The following HTR3A variants were observed in gnomAD, a reference collection of about 807,000 sequenced individuals.
HTR3A encodes 5-hydroxytryptamine (serotonin) receptor 3A, ionotropic.
In HTR3A, 45 loss-of-function variants were observed where a neutral mutation model predicts 54.8. That is an observed-to-expected ratio of 0.82 (90% CI 0.65 to 1.05). The LOEUF is 1.05. HTR3A is among the 50% of genes least tolerant of loss of function. The pLI, the probability that HTR3A is intolerant of heterozygous loss-of-function variation, is 0.00. For missense variants in HTR3A, 657 were observed against 614.0 expected (o/e 1.07, Z -0.74); for synonymous variants, 297 against 256.0 (o/e 1.16, Z -1.53).
chr11:113,986,926 C>A lies in HTR3A; in HGVS notation c.1018C>A (p.Pro340Thr), dbSNP rs775996208. The change falls in exon 8 of 9, where the codon CCT (proline) becomes ACT (threonine). Residue 340 changes from proline (P) to threonine (T), a missense_variant. By Grantham distance (38) the Pro-to-Thr change is conservative (BLOSUM62 -1). Coordinates refer to ENST00000504030, the MANE Select transcript of HTR3A (RefSeq NM_000869.6). ...VHKQDLQQPV[P>T]AWLRHLVLER... ...CAAGCAAGACCTGCAGCAGCCCGTGCCTGCTTGGCTGCGTCACCTGGTTCT... is the reference window on the plus strand; with the variant it reads ...CAAGCAAGACCTGCAGCAGCCCGTGACTGCTTGGCTGCGTCACCTGGTTCT... 6.2e-7 allele frequency: 1 copy of A among 1,614,046 alleles called. No individual in the cohort carries two copies. The highest frequency in any genetic ancestry group is 2.2e-5 in the East Asian group (1 of 44,886).
rs117793058 is a variant in HTR3A, at chr11:113,977,800, G to T, written c.97G>T (p.Ala33Ser). The T allele has an allele frequency of 5.6e-6, 9 of 1,614,126 alleles. No individual in the cohort carries two copies. Among genetic ancestry groups the T allele is most frequent in the East Asian group, 2.2e-5 (1 of 44,862 alleles). Residue 33 changes from alanine to serine, a missense_variant, in exon 2 of 9, where the codon GCT becomes TCT. Physicochemically the swap from Ala to Ser is moderately conservative, Grantham distance 99 (BLOSUM62 1). Transcript: ENST00000504030. ...ARRSRNTTRPALLRLSDYLLT... is the reference protein window; with the variant it reads ...ARRSRNTTRPSLLRLSDYLLT... ...GAGGAGCCGAAACACCACCAGGCCC[G>T]CTCTGCTGAGGCTGTCGGATTACCT...
intron 5 of HTR3A, among the ~76,000 whole-genome samples, chr11:113,985,176 A>C (rs1478896450): frequency 6.6e-6 from 1 of 152,152 alleles, no homozygotes; most frequent in Non-Finnish European, 1.5e-5. Context: ...ACACACATAC[A>C]CATCTATGGA....
intron 5 of HTR3A, among the ~76,000 whole-genome samples, chr11:113,984,880 T>G (rs888719656): frequency 3.4e-5 from 3 of 88,224 alleles, no homozygotes; most frequent in African/African-American, 1.2e-4. Context: ...GTTGCACCAC[T>G]GCACTCCAGC....
chr11:113,987,004 C>T lies in HTR3A; in HGVS notation c.1096C>T (p.Pro366Ser), dbSNP rs1331340074. 3.7e-6 allele frequency: 6 copies of T among 1,613,750 alleles called. No individual in the cohort carries two copies. In the African/African-American group the frequency reaches 4.0e-5, roughly 11 times the overall value. Reference sequence around the variant, plus strand: ...GAGGGAGCAGTCAACTTCCCAGAGGCCCCCAGCCACCTCCCAAGCCACCAA... The same window carrying T: ...GAGGGAGCAGTCAACTTCCCAGAGGTCCCCAGCCACCTCCCAAGCCACCAA... Reference protein sequence around the residue: ...CLREQSTSQRPPATSQATKTD... With the variant: ...CLREQSTSQRSPATSQATKTD... Residue 366 changes from proline to serine, a missense_variant, in exon 8 of 9, where the codon CCC becomes TCC. Physicochemically the swap from Pro to Ser is moderately conservative, Grantham distance 74 (BLOSUM62 -1). Transcript: ENST00000504030.
chr11:113,979,398 G>A (rs1591601243), intron 3 of HTR3A, 121 bp downstream of exon 3: 2 of 764,082 alleles, frequency 2.6e-6, no homozygotes, highest in African/African-American at 1.7e-5. Context: ...GGCACCCTCA[G>A]CCTGAGATCC....
intron 4 of HTR3A, 140 bp downstream of exon 4, chr11:113,981,452 C>A: frequency 1.4e-6 from 1 of 700,346 alleles, no homozygotes; most frequent in South Asian, 1.5e-5. Context: ...TGGTGTGAGT[C>A]CAAATTCCCT....
At chr11:113,987,987 C>T (rs1456934897) in intron 8 of HTR3A, among the ~76,000 whole-genome samples, 4 of 152,226 alleles carry the variant, frequency 2.6e-5, no homozygotes, top group Admixed American at 2.0e-4. Flanking sequence ...TTCTCATTCT[C>T]ATTTTTCCAA....
chr11:113,988,240 G>A (rs1950515210), intron 8 of HTR3A, among the ~76,000 whole-genome samples: 1 of 152,236 alleles, frequency 6.6e-6, no homozygotes, highest in Non-Finnish European at 1.5e-5. Context: ...CCTTGGTGAA[G>A]GAAGCCACTT....
In HTR3A at chr11:113,989,888, G is replaced by T; in HGVS notation, c.*125G>T. ...TTTCAAGACACAGACAAAGTCCCGT[G>T]CCCTGTTTCCAATGCCAATTCATCT... On this transcript the variant is annotated 3_prime_UTR_variant, in exon 9 of 9. Coordinates refer to ENST00000504030, the MANE Select transcript of HTR3A (RefSeq NM_000869.6). This position sits in a 1 kb window ranked among gnomAD's most constrained non-coding sequence, Gnocchi z 4.4. The T allele has an allele frequency of 9.1e-7, 1 of 1,096,128 alleles. No individual in the cohort carries two copies. The allele number at this position is 1,096,128 out of a possible 1,614,324, so 67.9% of individuals were successfully genotyped here. A position where few individuals can be genotyped will look rare whatever the true frequency, so the allele number is the denominator to read the frequency against.
rs1420389364 is a variant in HTR3A at position 113,986,175 on chromosome 11, T to C, written c.705T>C (p.Tyr235=). 4 of 1,614,136 alleles carry C rather than the reference T, an allele frequency of 2.5e-6. No homozygotes were observed. Among genetic ancestry groups the C allele is most frequent in the African/African-American group, 1.3e-5 (1 of 75,030 alleles). Residue 235 remains tyrosine, a splice_region_variant and synonymous_variant, in exon 6 of 9, where the codon TAT becomes TAC. Coordinates refer to ENST00000504030, the MANE Select transcript of HTR3A (RefSeq NM_000869.6). ...ACTACTATGCAGAAATGAAGTTCTATGTGAGTGGGAGTGAATGTGGGTAAA... is the reference window on the plus strand; with the variant it reads ...ACTACTATGCAGAAATGAAGTTCTACGTGAGTGGGAGTGAATGTGGGTAAA... ...SSNYYAEMKF[Y]VVIRRRPLFY...
rs35245117 is a variant in HTR3A at position 113,990,051 on chromosome 11, C to T, written c.*288C>T. 8 of 592,300 alleles carry T rather than the reference C, an allele frequency of 1.4e-5. No homozygotes were observed. Among genetic ancestry groups the T allele is most frequent in the South Asian group, 9.1e-5 (6 of 65,718 alleles). 36.7% of individuals were successfully genotyped at this position (592,300 alleles called of 1,614,324 possible). A position where few individuals can be genotyped will look rare whatever the true frequency, so the allele number is the denominator to read the frequency against. On this transcript the variant is annotated 3_prime_UTR_variant, in exon 9 of 9. Coordinates refer to ENST00000504030, the MANE Select transcript of HTR3A (RefSeq NM_000869.6). The stretch of plus-strand genomic sequence containing the variant: ...AGATCAGGAGAAACTCGGGCACTCC[C>T]TAAGTCCACTCTAGTTGTGGACTTT...
chr11:113,982,481 T>A (rs572873619), intron 4 of HTR3A, among the ~76,000 whole-genome samples: 3 of 152,286 alleles, frequency 2.0e-5, no homozygotes, highest in African/African-American at 7.2e-5. Context: ...TCTCTCAGCA[T>A]GAACTCACAG....
Position 113,989,568 on chromosome 11 carries a change from G to T in HTR3A, c.1242G>T (p.Ala414=). 2 of 1,614,204 alleles carry T rather than the reference G, an allele frequency of 1.2e-6. No individual in the cohort carries two copies. The highest frequency in any genetic ancestry group is 1.7e-6 in the Non-Finnish European group (2 of 1,180,044). The part of the protein sequence containing the change: ...PPPPPREASL[A]VCGLLQELSS... ...CACCACCTCGGGAGGCCTCGCTGGC[G>T]GTGTGTGGGCTGCTGCAGGAGCTGT... Residue 414 remains alanine (A), a synonymous_variant, in exon 9 of 9, where the codon GCG becomes GCT. Coordinates refer to ENST00000504030, the MANE Select transcript of HTR3A (RefSeq NM_000869.6). The surrounding 1 kb of genome is among the most constrained non-coding windows in gnomAD (Gnocchi z 4.4).
At position 113,986,717 on chromosome 11, in the gene HTR3A, C is replaced by T. The variant is rs1319142075; in HGVS notation, c.905C>T (p.Thr302Ile). ...ACGCTGCCGGCCACTGCCATCGGCA[C>T]TCCTCTCATTGGTAAGGCCCCTCCT... ...SDTLPATAIG[T>I]PLIGVYFVVC... Residue 302 changes from threonine (T) to isoleucine (I), a missense_variant, in exon 7 of 9, where the codon ACT becomes ATT. Transcript: ENST00000504030. The T allele has an allele frequency of 1.2e-6, 2 of 1,614,194 alleles. No individual in the cohort carries two copies. Among genetic ancestry groups the T allele is most frequent in the Non-Finnish European group, 1.7e-6 (2 of 1,180,034 alleles).
chr11:113,981,142 G>T, intron 3 of HTR3A, 61 bp from the exon 4 acceptor site: 1 of 1,029,714 alleles, frequency 9.7e-7, no homozygotes, highest in Non-Finnish European at 1.5e-6. Context: ...TGCCTGAGTT[G>T]CAGGCGACCC....
rs1221525706 is a variant in HTR3A, at chr11:113,989,524, G to C, written c.1198G>C (p.Asp400His). The C allele has an allele frequency of 6.2e-7, 1 of 1,613,970 alleles. No individual in the cohort carries two copies. Among genetic ancestry groups the C allele is most frequent in the Non-Finnish European group, 8.5e-7 (1 of 1,180,022 alleles). ...CCAGGACTTCGAGAAGAGCCCGAGG[G>C]ACAGATGTAGCCCTCCCCCACCACC... ...GPQDFEKSPRDRCSPPPPPRE... is the reference protein window; with the variant it reads ...GPQDFEKSPRHRCSPPPPPRE... Residue 400 changes from aspartate (D) to histidine (H), a missense_variant, in exon 9 of 9, where the codon GAC becomes CAC. Transcript: ENST00000504030. The surrounding 1 kb of genome is among the most constrained non-coding windows in gnomAD (Gnocchi z 4.4).
intron 6 of HTR3A, 105 bp downstream of exon 6, chr11:113,986,280 G>C: frequency 7.0e-7 from 1 of 1,422,356 alleles, no homozygotes; most frequent in East Asian, 2.3e-5. Context: ...CCAACCCCAG[G>C]GTTGCACACA....
chr11:113,975,350 C>A lies in HTR3A; in HGVS notation c.25C>A (p.Leu9Met), dbSNP rs1414542878. 1 of 1,613,302 alleles carries A rather than the reference C, an allele frequency of 6.2e-7. No individual in the cohort carries two copies. Among genetic ancestry groups the A allele is most frequent in the Admixed American group, 1.7e-5 (1 of 60,010 alleles). ...TATGCTGCTGTGGGTCCAGCAGGCGCTGCTCGCCTTGCTCCTCCCCACACT... is the reference window on the plus strand; with the variant it reads ...TATGCTGCTGTGGGTCCAGCAGGCGATGCTCGCCTTGCTCCTCCCCACACT... MLLWVQQA[L>M]LALLLPTLLA... Residue 9 changes from leucine (L) to methionine (M), a missense_variant, in exon 1 of 9, where the codon CTG becomes ATG. Physicochemically the swap from Leu to Met is conservative, Grantham distance 15 (BLOSUM62 2). Transcript: ENST00000504030.
At position 113,975,278 on chromosome 11, in the gene HTR3A, G is replaced by A; in HGVS notation, c.-48G>A. 3 of 1,603,458 alleles carry A rather than the reference G, an allele frequency of 1.9e-6. No homozygotes were observed. Among genetic ancestry groups the A allele is most frequent in the Non-Finnish European group, 2.6e-6 (3 of 1,173,746 alleles). On this transcript the variant is annotated 5_prime_UTR_variant, in exon 1 of 9. Transcript: ENST00000504030. ...GGGCAGGCAAGCTGGCCCTTGGTGGGCCTCGTCCTGAGCACTCGGAGGCAC... is the reference window on the plus strand; with the variant it reads ...GGGCAGGCAAGCTGGCCCTTGGTGGACCTCGTCCTGAGCACTCGGAGGCAC...
Sources: allele counts gnomAD v4.1 joint callset (sites outside exome capture counted in the v4.1 genomes callset), GRCh38; gene constraint gnomAD v4.1.1; non-coding constraint Gnocchi (gnomAD v3.1); transcripts MANE v1.5; gene names NCBI Gene and HGNC (gene_info 2026-07-23, HGNC 2026-07-21).